FBXL2: variants seen among roughly 807,000 people sequenced by gnomAD.
FBXL2 encodes F-box/LRR-repeat protein 2.
In FBXL2, 38 loss-of-function variants were observed where a neutral mutation model predicts 69.2. That is an observed-to-expected ratio of 0.55 (90% CI 0.42 to 0.72). The LOEUF is 0.72. Ranked by LOEUF, FBXL2 falls within the 30% of genes least tolerant of loss-of-function variation. The pLI, the probability that FBXL2 is intolerant of heterozygous loss-of-function variation, is 0.00. For synonymous variants in FBXL2, 192 were observed against 201.3 expected, an observed-to-expected ratio of 0.95 and a Z score of 0.39; for missense variants, 354 against 520.3, an observed-to-expected ratio of 0.68 and a Z score of 3.11.
chr3:33,324,965 C>T lies in FBXL2; in HGVS notation c.65+27240C>T, dbSNP rs141108288. On this transcript the variant is annotated intron_variant, in intron 2 of 14. Coordinates refer to ENST00000484457, the MANE Select transcript of FBXL2 (RefSeq NM_012157.5). ...GAATGTTTTTTCATTTGTTTGTGTC[C>T]TCTCTGATTTCCTTGAGCAGTAGTT... is the stretch of plus-strand genomic sequence containing the variant. Among the ~76,000 whole-genome samples the T allele has an allele frequency of 4.7e-3, 719 of 152,176 alleles. 7 individuals carry two copies. Among genetic ancestry groups the T allele is most frequent in the African/African-American group, 0.016 (671 of 41,492 alleles).
intron 4 of FBXL2, among the ~76,000 whole-genome samples, chr3:33,362,331 G>A (rs1362795235): frequency 6.6e-6 from 1 of 152,170 alleles, no homozygotes; most frequent in African/African-American, 2.4e-5. Flanking sequence ...AGTAGTGTGT[G>A]AATCTAAAAG....
chr3:33,373,342 T>C lies in FBXL2; in HGVS notation c.442T>C (p.Leu148=). 1 of 1,612,246 alleles carries C rather than the reference T, an allele frequency of 6.2e-7. No individual in the cohort carries two copies. Among genetic ancestry groups the C allele is most frequent in the Non-Finnish European group, 8.5e-7 (1 of 1,178,258 alleles). ...TSCVSITNSS[L]KGISEGCRNL... The stretch of plus-strand genomic sequence containing the variant: ...CTGTGTGTCTATTACAAACAGCTCC[T>C]TGAAGGGGATCAGGTAAGAGTGCCC... The change falls in exon 7 of 15, where the codon TTG becomes CTG. Residue 148 remains leucine (L), a synonymous_variant. Transcript: ENST00000484457.
intron 2 of FBXL2, among the ~76,000 whole-genome samples, chr3:33,356,946 A>G (rs1369024468): frequency 6.6e-6 from 1 of 152,184 alleles, no homozygotes; most frequent in East Asian, 1.9e-4. Context: ...AAGCGTTCCA[A>G]AGCAGTATAT....
At chr3:33,333,353 G>C (rs972379726) in intron 2 of FBXL2, among the ~76,000 whole-genome samples, 1 of 152,124 alleles carries the variant, frequency 6.6e-6, no homozygotes, top group Non-Finnish European at 1.5e-5. Context: ...GGAAGAGGGT[G>C]ATTAAAATGA....
In FBXL2 at chr3:33,355,034, G is replaced by A. The variant is rs117108848; in HGVS notation, c.66-3933G>A. Among the ~76,000 whole-genome samples the A allele has an allele frequency of 5.5e-4, 83 of 152,188 alleles. 1 individual carries two copies. In the East Asian group the frequency reaches 0.013, roughly 24 times the overall value. ...GGCTTGACCTCCCCGGGCTCTGTTA[G>A]TCCTACCATCTCCACCTCCTGAGTA... On this transcript the variant is annotated intron_variant, in intron 2 of 14. Transcript: ENST00000484457.
chr3:33,384,064 C>T lies in FBXL2; in HGVS notation c.1027C>T (p.Leu343=). 6.2e-7 allele frequency: 1 copy of T among 1,614,116 alleles called. No homozygotes were observed. The highest frequency in any genetic ancestry group is 8.5e-7 in the Non-Finnish European group (1 of 1,180,016). ...CAACAGTACCTGTGGCCATGAGAGG[C>T]TGCGGGTACTGGAGTTGGACAACTG... is the stretch of plus-strand genomic sequence containing the variant. ...LSNSTCGHER[L]RVLELDNCLL... is the part of the protein sequence containing the mutation. The change falls in exon 14 of 15, where the codon CTG becomes TTG. Residue 343 remains leucine (L), a synonymous_variant. Transcript: ENST00000484457.
At chr3:33,310,174 T>C (rs1034763312) in intron 2 of FBXL2, among the ~76,000 whole-genome samples, 2 of 152,136 alleles carry the variant, frequency 1.3e-5, no homozygotes, top group Admixed American at 1.3e-4. Flanking sequence ...TTTTTGGAGA[T>C]GGAGTCTCGC....
chr3:33,366,060 T>C (rs1222185448), intron 5 of FBXL2, among the ~76,000 whole-genome samples: 1 of 152,178 alleles, frequency 6.6e-6, no homozygotes, highest in Non-Finnish European at 1.5e-5. Context: ...ATAAAAACAC[T>C]CACTTTAAAT....
At chr3:33,356,664 G>GA (rs1438357966) in intron 2 of FBXL2, among the ~76,000 whole-genome samples, 1 of 151,970 alleles carries the variant, frequency 6.6e-6, no homozygotes, top group Admixed American at 6.6e-5. Flanking sequence ...AGTTTCTAAA[G>GA]AAAAAAGGAT....
intron 2 of FBXL2, among the ~76,000 whole-genome samples, chr3:33,299,905 C>T (rs2036112868): frequency 6.6e-6 from 1 of 152,126 alleles, no homozygotes; most frequent in African/African-American, 2.4e-5. Context: ...TTGTTAGAAG[C>T]AATACCGCTG....
At chr3:33,312,258 A>G (rs1202679759) in intron 2 of FBXL2, among the ~76,000 whole-genome samples, 1 of 151,836 alleles carries the variant, frequency 6.6e-6, no homozygotes, top group African/African-American at 2.4e-5. Flanking sequence ...GGGTCTCATC[A>G]TATTGCCCAG....
At chr3:33,408,537 C>T (rs41285091), downstream of FBXL2, among the ~76,000 whole-genome samples, 203 of 152,140 alleles carry the variant, frequency 1.3e-3, no homozygotes, top group Non-Finnish European at 2.5e-3. Flanking sequence ...CAGTGAGGAA[C>T]AAACAGAAGC....
chr3:33,411,158 T>C, the FBXL2 span, among the ~76,000 whole-genome samples: 8 of 152,032 alleles, frequency 5.3e-5, no homozygotes, highest in Non-Finnish European at 1.0e-4. Flanking sequence ...GATGGTTACA[T>C]GGACAATTAG....
At chr3:33,340,919 A>G (rs905665243) in intron 2 of FBXL2, among the ~76,000 whole-genome samples, 4 of 145,842 alleles carry the variant, frequency 2.7e-5, no homozygotes, top group Non-Finnish European at 6.0e-5. Flanking sequence ...AAAAAAAAAA[A>G]GAAGAGGAAG....
At chr3:33,314,134 T>G (rs2037458124) in intron 2 of FBXL2, among the ~76,000 whole-genome samples, 1 of 152,160 alleles carries the variant, frequency 6.6e-6, no homozygotes. Flanking sequence ...TGTGAAATAT[T>G]TAATTGATAA....
chr3:33,312,063 T>C (rs28866794), intron 2 of FBXL2, among the ~76,000 whole-genome samples: 1 of 152,198 alleles, frequency 6.6e-6, no homozygotes, highest in Non-Finnish European at 1.5e-5. Flanking sequence ...ATTCTTTTTT[T>C]ATTTTTATTT....
chr3:33,403,384 A>T (rs546328303), exon 13 of FBXL2: 1 of 196,234 alleles, frequency 5.1e-6, no homozygotes, highest in African/African-American at 2.4e-5. Context: ...CCTCACCAGT[A>T]CCCATTTGCT....
intron 2 of FBXL2, among the ~76,000 whole-genome samples, chr3:33,317,936 T>C (rs946971499): frequency 2.0e-5 from 3 of 152,208 alleles, no homozygotes; most frequent in African/African-American, 4.8e-5. Flanking sequence ...CCCATACTTA[T>C]TTCACAGCCA....
At chr3:33,392,060 T>C (rs968440556), downstream of FBXL2, 2 of 153,058 alleles carry the variant, frequency 1.3e-5, no homozygotes, top group African/African-American at 4.8e-5. Context: ...AGCTCCCGCT[T>C]CTTCTCATTC....
Sources: allele counts gnomAD v4.1 joint callset (sites outside exome capture counted in the v4.1 genomes callset), GRCh38; gene constraint gnomAD v4.1.1; transcripts MANE v1.5; gene names NCBI Gene and HGNC (gene_info 2026-07-23, HGNC 2026-07-21).